TNC: variants seen among roughly 807,000 people sequenced by gnomAD.
The protein encoded by TNC is tenascin C.
In TNC, 109 loss-of-function variants were observed where a neutral mutation model predicts 202.4. The observed-to-expected ratio is 0.54, with a 90% confidence interval of 0.46 to 0.63. TNC has a LOEUF of 0.63. TNC is among the 30% of genes least tolerant of loss of function. The pLI is 0.00. For missense variants in TNC, 2,756 were observed against 2,833.3 expected (o/e 0.97, Z 0.62); for synonymous variants, 1,007 against 1,089.7 (o/e 0.92, Z 1.50).
intron 15 of TNC, among the ~76,000 whole-genome samples, chr9:115,050,570 T>C (rs1831570791): frequency 6.6e-6 from 1 of 152,240 alleles, no homozygotes; most frequent in Non-Finnish European, 1.5e-5. Flanking sequence ...AATACTCATT[T>C]TTTAATCTTA....
chr9:115,116,325 T>C (rs1156461013), intron 1 of TNC, among the ~76,000 whole-genome samples: 1 of 152,234 alleles, frequency 6.6e-6, no homozygotes, highest in Non-Finnish European at 1.5e-5. Flanking sequence ...AGAATACTCA[T>C]ATTGTGCACC....
intron 20 of TNC, among the ~76,000 whole-genome samples, chr9:115,037,498 A>G (rs1241490231): frequency 1.3e-5 from 2 of 152,152 alleles, no homozygotes; most frequent in African/African-American, 4.8e-5. Flanking sequence ...CCAAACAAGA[A>G]AACATTTCTG....
rs1282718328 is a variant in TNC at position 115,076,101 on chromosome 9, A to T, written c.2881T>A (p.Tyr961Asn). ...TLTGLRPGTE[Y>N]GIGVSAVKED... ...TTCACAGCAGAAACTCCAATCCCAT[A>T]TTCAGTTCCCGGCCTCAGACCTAAG... Residue 961 changes from tyrosine to asparagine, a missense_variant, in exon 9 of 28, where the codon TAT (tyrosine) becomes AAT (asparagine). Physicochemically the swap from Tyr to Asn is moderately radical, Grantham distance 143 (BLOSUM62 -2). Around this residue, in one of 2 missense-constraint regions of TNC, gnomAD observed 2,559 missense variants for 2,546.0 expected, o/e 1.01. Coordinates refer to ENST00000350763, the MANE Select transcript of TNC (RefSeq NM_002160.4). 6.2e-7 allele frequency: 1 copy of T among 1,614,146 alleles called. No individual in the cohort carries two copies. The highest frequency in any genetic ancestry group is 1.1e-5 in the South Asian group (1 of 91,084).
intron 22 of TNC, among the ~76,000 whole-genome samples, chr9:115,033,530 T>A (rs765834582): frequency 1.3e-5 from 2 of 152,148 alleles, no homozygotes; most frequent in African/African-American, 2.4e-5. Context: ...TAAAGATGGA[T>A]AAGTCCAAGG....
intron 1 of TNC, among the ~76,000 whole-genome samples, chr9:115,105,067 C>G (rs1398460453): frequency 1.3e-5 from 2 of 152,138 alleles, no homozygotes; most frequent in African/African-American, 4.8e-5. Flanking sequence ...GGATTTGCAT[C>G]AGAAGGAGCC....
At chr9:115,082,357 C>G (rs1834367409) in intron 5 of TNC, among the ~76,000 whole-genome samples, 1 of 152,144 alleles carries the variant, frequency 6.6e-6, no homozygotes, top group Non-Finnish European at 1.5e-5. Context: ...AAGGGTTGCT[C>G]AAATCTGAGA....
chr9:115,067,968 G>T (rs1417842932), intron 10 of TNC, among the ~76,000 whole-genome samples: 1 of 152,012 alleles, frequency 6.6e-6, no homozygotes, highest in Non-Finnish European at 1.5e-5. Flanking sequence ...TGCTAGCCAA[G>T]TGAGTAAAAG....
Position 115,048,856 on chromosome 9 carries a change from C to T in TNC, c.4580-324G>A, listed in dbSNP as rs558566857. 2.6e-5 allele frequency among the ~76,000 whole-genome samples: 4 copies of T among 152,066 alleles called. No homozygotes were observed. In the East Asian group the frequency reaches 7.7e-4, roughly 29 times the overall value. ...TTTTAGTCAGGTTTGACTCCAAAGG[C>T]CATGTAGTTCTTTATACAAATAGGT... On this transcript the variant is annotated intron_variant, in intron 15 of 27. Coordinates refer to ENST00000350763, the MANE Select transcript of TNC (RefSeq NM_002160.4).
chr9:115,071,771 G>A (rs1366529466), intron 10 of TNC, among the ~76,000 whole-genome samples: 1 of 152,162 alleles, frequency 6.6e-6, no homozygotes, highest in East Asian at 1.9e-4. Context: ...AAAGAAAAGA[G>A]AGGGATTTCA....
rs917809048 is a variant in TNC, at chr9:115,057,388, G to T, written c.4344C>A (p.Asp1448Glu). ...AGAGATTGAAGCTCTCGGGAGTTAT[G>T]TCAGAAACATTTAAGTTTCCAATTT... ...EPEIGNLNVS[D>E]ITPESFNLSW... Residue 1448 changes from aspartate to glutamate, a missense_variant, in exon 15 of 28, where the codon GAC (aspartate) becomes GAA (glutamate). By Grantham distance (45) the Asp-to-Glu change is conservative. Coordinates refer to ENST00000350763, the MANE Select transcript of TNC (RefSeq NM_002160.4). 2 of 1,612,928 alleles carry T rather than the reference G, an allele frequency of 1.2e-6. No homozygotes were observed. Among genetic ancestry groups the T allele is most frequent in the African/African-American group, 2.7e-5 (2 of 74,892 alleles).
chr9:115,052,998 C>G (rs1480220908), intron 15 of TNC: 1 of 699,408 alleles, frequency 1.4e-6, no homozygotes. Context: ...ATTAGCGTGC[C>G]CAACTGTGGC....
chr9:115,086,587 G>A lies in TNC; in HGVS notation c.1144C>T (p.His382Tyr). The part of the protein sequence containing the change: ...CSEKRCPADC[H>Y]NRGRCVDGRC... ...CCGTCTACACAGCGGCCACGATTGT[G>A]ACAGTCAGCAGGACACCTCTTCTCG... is the stretch of plus-strand genomic sequence containing the variant. The change falls in exon 3 of 28, where the codon CAC becomes TAC. Residue 382 changes from histidine (H) to tyrosine (Y), a missense_variant. Around this residue, in one of 2 missense-constraint regions of TNC, gnomAD observed 2,559 missense variants for 2,546.0 expected, o/e 1.01. Coordinates refer to ENST00000350763, the MANE Select transcript of TNC (RefSeq NM_002160.4). The A allele has an allele frequency of 6.2e-7, 1 of 1,614,126 alleles. No individual in the cohort carries two copies. The highest frequency in any genetic ancestry group is 8.5e-7 in the Non-Finnish European group (1 of 1,180,034).
intron 27 of TNC, among the ~76,000 whole-genome samples, chr9:115,022,382 C>T (rs754509798): frequency 7.9e-5 from 12 of 152,204 alleles, no homozygotes; most frequent in African/African-American, 1.9e-4. Context: ...TTGGAAGCCA[C>T]GCCTTCTTGT....
At chr9:115,036,439 T>A (rs981719647) in intron 20 of TNC, among the ~76,000 whole-genome samples, 198 bp from the exon 21 acceptor site, 4 of 152,134 alleles carry the variant, frequency 2.6e-5, no homozygotes, top group African/African-American at 9.7e-5. Flanking sequence ...GGATTTCTCA[T>A]ATGGAGACTT....
In TNC at chr9:115,047,211, G is replaced by T. The variant is rs187174991; in HGVS notation, c.4853-529C>A. On this transcript the variant is annotated intron_variant, in intron 16 of 27. Transcript: ENST00000350763. The stretch of plus-strand genomic sequence containing the variant: ...GTCTTTTTGCTTTGTTCTTAGTGCT[G>T]TTTCACTAAAGAAGGCTCCTACCCT... 5.2e-3 allele frequency among the ~76,000 whole-genome samples: 640 copies of T among 121,960 alleles called. 2 individuals carry two copies. Among genetic ancestry groups the T allele is most frequent in the Middle Eastern group, 0.017 (3 of 178 alleles). The allele number at this position is 121,960 out of a possible 152,430, so 80.0% of individuals were successfully genotyped here. A position where few individuals can be genotyped will look rare whatever the true frequency, so the allele number is the denominator to read the frequency against.
At chr9:115,105,885 C>A (rs1366805804) in intron 1 of TNC, among the ~76,000 whole-genome samples, 3 of 152,114 alleles carry the variant, frequency 2.0e-5, no homozygotes. Flanking sequence ...GGTTCATGCT[C>A]GTTGGAAATC....
chr9:115,091,334 A>C (rs941962607), intron 1 of TNC, among the ~76,000 whole-genome samples, 180 bp from the exon 2 acceptor site: 1 of 152,244 alleles, frequency 6.6e-6, no homozygotes, highest in Non-Finnish European at 1.5e-5. Context: ...CACTTGAAGG[A>C]ATGATTTCAC....
At chr9:115,071,957 A>G (rs1833501729) in intron 10 of TNC, among the ~76,000 whole-genome samples, 1 of 152,160 alleles carries the variant, frequency 6.6e-6, no homozygotes, top group African/African-American at 2.4e-5. Context: ...TAAACATCTT[A>G]TAGTTGGGTG....
intron 3 of TNC, among the ~76,000 whole-genome samples, chr9:115,084,823 G>A (rs984397182): frequency 1.3e-5 from 2 of 152,140 alleles, no homozygotes; most frequent in African/African-American, 2.4e-5. Flanking sequence ...TGAGTTACGT[G>A]TCCCTAGCAC....
Sources: allele counts gnomAD v4.1 joint callset (sites outside exome capture counted in the v4.1 genomes callset), GRCh38; gene constraint gnomAD v4.1.1; regional missense constraint gnomAD v4.1.1; transcripts MANE v1.5; gene names NCBI Gene and HGNC (gene_info 2026-07-23, HGNC 2026-07-21).